The following POU6F2 variants were observed in gnomAD, a reference collection of about 807,000 sequenced individuals.
POU6F2 encodes the protein POU domain, class 6, transcription factor 2.
POU6F2 carries 31 observed loss-of-function variants against 71.3 expected under a neutral mutation model. The ratio of observed to expected loss-of-function variants is 0.43; its 90% CI spans 0.33 to 0.59. The LOEUF (loss-of-function observed/expected upper bound fraction) is 0.59, where lower values mean the gene tolerates loss of function less well. POU6F2 is among the 20% of genes least tolerant of loss of function. POU6F2 has a pLI of 0.04. For synonymous variants in POU6F2, 347 were observed against 355.7 expected (o/e 0.98, Z 0.27); for missense variants, 783 against 856.8 (o/e 0.91, Z 1.07).
intron 5 of POU6F2, among the ~76,000 whole-genome samples, chr7:39,392,742 C>T (rs1787098949): frequency 6.6e-6 from 1 of 152,216 alleles, no homozygotes; most frequent in Non-Finnish European, 1.5e-5. Flanking sequence ...GGCAGGACGG[C>T]ATGACCAGGG....
chr7:39,433,060 T>C lies in POU6F2; in HGVS notation c.1114-17T>C, dbSNP rs776745327. 1 of 1,611,862 alleles carries C rather than the reference T, an allele frequency of 6.2e-7. No homozygotes were observed. The highest frequency in any genetic ancestry group is 1.7e-5 in the Admixed American group (1 of 59,962). On this transcript the variant is annotated splice_polypyrimidine_tract_variant and intron_variant, in intron 6 of 9. Transcript: ENST00000518318. ...CCTTCACCGAGCCAGCTCCTCACCT[T>C]TGGCCCTCTCTTGCAGATTATCGGG...
chr7:39,375,011 T>C (rs1786683965), intron 5 of POU6F2, among the ~76,000 whole-genome samples: 1 of 152,196 alleles, frequency 6.6e-6, no homozygotes, highest in Non-Finnish European at 1.5e-5. Context: ...GTTTGGGGAA[T>C]TGTAAAGCAG....
chr7:39,016,800 C>T (rs1170857479), intron 1 of POU6F2, among the ~76,000 whole-genome samples: 4 of 152,116 alleles, frequency 2.6e-5, no homozygotes, highest in South Asian at 2.1e-4. Context: ...GATGGAACAG[C>T]GCATGCATAG....
At chr7:39,232,697 C>T (rs979003169) in intron 4 of POU6F2, among the ~76,000 whole-genome samples, 59 of 152,298 alleles carry the variant, frequency 3.9e-4, no homozygotes, top group African/African-American at 1.4e-3. Flanking sequence ...TTTTATTGAA[C>T]TCAACATATC....
intron 5 of POU6F2, among the ~76,000 whole-genome samples, chr7:39,349,806 G>A (rs1411627792): frequency 6.6e-6 from 1 of 152,142 alleles, no homozygotes; most frequent in Non-Finnish European, 1.5e-5. Flanking sequence ...ACTAAATTGG[G>A]CATTCTGGCT....
chr7:39,391,465 T>C (rs114062415), intron 5 of POU6F2, among the ~76,000 whole-genome samples: 1,791 of 152,318 alleles, frequency 0.012, 46 homozygotes, highest in African/African-American at 0.038. Flanking sequence ...CTCTCATTTT[T>C]GAAAATATAA....
intron 4 of POU6F2, among the ~76,000 whole-genome samples, chr7:39,277,452 T>C (rs1784465993): frequency 6.6e-6 from 1 of 152,112 alleles, no homozygotes; most frequent in South Asian, 2.1e-4. Flanking sequence ...CCCATCTTTA[T>C]GTCCACGTGT....
chr7:39,210,846 A>G (rs766837233), intron 4 of POU6F2, among the ~76,000 whole-genome samples: 3 of 152,158 alleles, frequency 2.0e-5, no homozygotes, highest in African/African-American at 2.4e-5. Flanking sequence ...AGATTATTCA[A>G]AGTTCATTAG....
intron 4 of POU6F2, among the ~76,000 whole-genome samples, chr7:39,294,659 T>C (rs1784816615): frequency 6.6e-6 from 1 of 152,044 alleles, no homozygotes; most frequent in African/African-American, 2.4e-5. Flanking sequence ...GTCCACCAAA[T>C]GCACCCTGAT....
At chr7:39,231,570 A>G (rs1180841472) in intron 4 of POU6F2, among the ~76,000 whole-genome samples, 1 of 152,176 alleles carries the variant, frequency 6.6e-6, no homozygotes, top group Non-Finnish European at 1.5e-5. Context: ...TGATTGACAC[A>G]TAGACCCTAT....
At chr7:39,110,500 T>C (rs1791785921) in intron 2 of POU6F2, among the ~76,000 whole-genome samples, 1 of 152,170 alleles carries the variant, frequency 6.6e-6, no homozygotes, top group African/African-American at 2.4e-5. Context: ...TTATGTCACG[T>C]TGGTAGCTTG....
chr7:39,398,632 T>C (rs1787230968), intron 5 of POU6F2, among the ~76,000 whole-genome samples: 1 of 152,004 alleles, frequency 6.6e-6, no homozygotes, highest in Non-Finnish European at 1.5e-5. Context: ...TCTGGGAGAA[T>C]GGGAAAAAGA....
intron 4 of POU6F2, among the ~76,000 whole-genome samples, chr7:39,313,702 G>C (rs1404097199): frequency 6.6e-6 from 1 of 152,108 alleles, no homozygotes; most frequent in East Asian, 1.9e-4. Context: ...ACAATCTGAC[G>C]AATACCTAGC....
chr7:39,182,395 C>T (rs1426869715), intron 2 of POU6F2, among the ~76,000 whole-genome samples: 4 of 152,202 alleles, frequency 2.6e-5, no homozygotes, highest in African/African-American at 9.7e-5. Context: ...CATGTCTTCA[C>T]TTCCTATGCA....
chr7:39,350,227 C>G (rs1452673171), intron 5 of POU6F2, among the ~76,000 whole-genome samples: 1 of 151,976 alleles, frequency 6.6e-6, no homozygotes, highest in African/African-American at 2.4e-5. Flanking sequence ...CAGCTGGACT[C>G]CATATCCTGC....
At chr7:39,376,474 T>A (rs1163867573) in intron 5 of POU6F2, among the ~76,000 whole-genome samples, 2 of 152,194 alleles carry the variant, frequency 1.3e-5, no homozygotes, top group African/African-American at 4.8e-5. Context: ...AAGGGAATCT[T>A]AGTGCTGGCT....
At chr7:39,327,257 T>C (rs1361863041) in intron 4 of POU6F2, among the ~76,000 whole-genome samples, 19 of 147,584 alleles carry the variant, frequency 1.3e-4, no homozygotes, top group East Asian at 7.9e-4. Context: ...CCAGCCTGGG[T>C]GACAGAGGGA....
intron 1 of POU6F2, among the ~76,000 whole-genome samples, chr7:39,031,714 C>T (rs906244720): frequency 5.3e-5 from 8 of 151,978 alleles, no homozygotes; most frequent in African/African-American, 1.9e-4. Context: ...AACCCCGTCT[C>T]TAATAAAAAT....
chr7:38,985,774 C>A (rs1788447782), intron 1 of POU6F2, among the ~76,000 whole-genome samples: 1 of 151,952 alleles, frequency 6.6e-6, no homozygotes, highest in Non-Finnish European at 1.5e-5. Flanking sequence ...TTCTTAGGTG[C>A]ATTTCTTGGT....
Sources: allele counts gnomAD v4.1 joint callset (sites outside exome capture counted in the v4.1 genomes callset), GRCh38; gene constraint gnomAD v4.1.1; transcripts MANE v1.5; gene names NCBI Gene and HGNC (gene_info 2026-07-23, HGNC 2026-07-21).